Variants in KIF12 observed in about 807,000 individuals in gnomAD.
The protein encoded by KIF12 is kinesin family member 12.
Under a neutral mutation model 87.9 loss-of-function variants are expected in KIF12, and 80 were observed. That is an observed-to-expected ratio of 0.91 (90% CI 0.76 to 1.10). The LOEUF (loss-of-function observed/expected upper bound fraction) is 1.10. KIF12 is among the 50% of genes least tolerant of loss of function. The pLI, the probability that KIF12 is intolerant of heterozygous loss-of-function variation, is 0.00. For synonymous variants in KIF12, 353 were observed against 348.5 expected (o/e 1.01, Z -0.14); for missense variants, 819 against 865.3 (o/e 0.95, Z 0.67).
At position 114,096,586 on chromosome 9, in the gene KIF12, G is replaced by A. The variant is rs1847241362; in HGVS notation, c.647-108C>T. ...GGCGGAAGGGTCAGCCTCATGCAAA[G>A]GCAGGGAGGCAACAGAGTGGGTGTT... On this transcript the variant is annotated intron_variant, in intron 7 of 18. Coordinates refer to ENST00000640217, the MANE Select transcript of KIF12 (RefSeq NM_001388308.1). 4 of 903,178 alleles carry A rather than the reference G, an allele frequency of 4.4e-6. No homozygotes were observed. The East Asian group carries it at 7.9e-5, about 18-fold the overall frequency. The allele number at this position is 903,178 out of a possible 1,614,324, so 55.9% of individuals were successfully genotyped here.
Position 114,095,689 on chromosome 9 carries a change from C to T in KIF12, c.896-357G>A, listed in dbSNP as rs529516880. Among the ~76,000 whole-genome samples, 4 of 152,344 alleles carry T rather than the reference C, an allele frequency of 2.6e-5. No individual in the cohort carries two copies. The South Asian group carries it at 8.3e-4, about 32-fold the overall frequency. On this transcript the variant is annotated intron_variant, in intron 9 of 18. Transcript: ENST00000640217. The stretch of plus-strand genomic sequence containing the variant: ...CCTGAGGATCTCCAGGTCCAATACC[C>T]TGGGGTGGGGTTGGGGAGAAAGCTC...
rs1159849217 is a variant in KIF12 at position 114,095,220 on chromosome 9, G to A, written c.1008C>T (p.Thr336=). ...LADSLGGRGV[T]LMVACVSPSA... ...CCAGGCCCCGCTTAAGTACCATGAGGGTGACCCCGCGCCCTCCCAGTGAGT... is the reference window on the plus strand; with the variant it reads ...CCAGGCCCCGCTTAAGTACCATGAGAGTGACCCCGCGCCCTCCCAGTGAGT... The change falls in exon 10 of 19, where the codon ACC becomes ACT. Residue 336 remains threonine, a synonymous_variant. Transcript: ENST00000640217. 2 of 1,613,692 alleles carry A rather than the reference G, an allele frequency of 1.2e-6. No homozygotes were observed. Among genetic ancestry groups the A allele is most frequent in the Non-Finnish European group, 8.5e-7 (1 of 1,179,994 alleles).
At position 114,094,039 on chromosome 9, in the gene KIF12, C is replaced by T. The variant is rs1271878089; in HGVS notation, c.1314-67G>A. 5 of 1,476,114 alleles carry T rather than the reference C, an allele frequency of 3.4e-6. No homozygotes were observed. In the East Asian group the frequency reaches 1.1e-4, roughly 33 times the overall value. 91.4% of individuals were successfully genotyped at this position (1,476,114 alleles called of 1,614,324 possible). On this transcript the variant is annotated intron_variant, in intron 13 of 18. Transcript: ENST00000640217. Reference sequence around the variant, plus strand: ...TGGGGTGGGGCATCAGTCAGCTCCTCCTCATTGCAGCATAGCACCAGTTCA... The same window carrying T: ...TGGGGTGGGGCATCAGTCAGCTCCTTCTCATTGCAGCATAGCACCAGTTCA...
At position 114,094,238 on chromosome 9, in the gene KIF12, GC is replaced by G; in HGVS notation, c.1255del (p.Ala419ProfsTer14). The G allele has an allele frequency of 6.2e-7, 1 of 1,613,990 alleles. No individual in the cohort carries two copies. The highest frequency in any genetic ancestry group is 8.5e-7 in the Non-Finnish European group (1 of 1,179,998). The part of the protein sequence containing the change: ...SGLSGARVAW[A>X]QRNLYGMLQE... ...TAGCATCCCGTACAGGTTCCGCTGGGCCCAGGCCACCCGGGCTCCACTGAGC... is the reference window on the plus strand; with the variant it reads ...TAGCATCCCGTACAGGTTCCGCTGGGCCAGGCCACCCGGGCTCCACTGAGC... On this transcript the variant is annotated frameshift_variant, in exon 13 of 19. Coordinates refer to ENST00000640217, the MANE Select transcript of KIF12 (RefSeq NM_001388308.1). LOFTEE classifies it high-confidence loss of function.
rs890596402 is a variant in KIF12, at chr9:114,093,333, C to T, written c.1492G>A (p.Ala498Thr). 5.1e-6 allele frequency: 8 copies of T among 1,557,066 alleles called. No individual in the cohort carries two copies. The African/African-American group carries it at 8.2e-5, about 16-fold the overall frequency. The part of the protein sequence containing the change: ...CLMAPAPPCH[A>T]LPPLYSCPCC... The stretch of plus-strand genomic sequence containing the variant: ...GGGCAGGAGTAGAGGGGTGGCAGTG[C>T]CTGCAAAAAGGTGCGTCAGAGGCTC... Residue 498 changes from alanine to threonine, a missense_variant and splice_region_variant, in exon 16 of 19, where the codon GCA becomes ACA. Ala to Thr is a moderately conservative substitution (Grantham distance 58, BLOSUM62 0). Coordinates refer to ENST00000640217, the MANE Select transcript of KIF12 (RefSeq NM_001388308.1).
At position 114,096,107 on chromosome 9, in the gene KIF12, G is replaced by A; in HGVS notation, c.839C>T (p.Ser280Phe). The change falls in exon 9 of 19, where the codon TCC becomes TTC. Residue 280 changes from serine to phenylalanine, a missense_variant. Transcript: ENST00000640217. Reference sequence around the variant, plus strand: ...AGCCTCAAGCATCAGCTCCCCACGGGATCCCGTGGCTGCTACCTTCTCACT... The same window carrying A: ...AGCCTCAAGCATCAGCTCCCCACGGAATCCCGTGGCTGCTACCTTCTCACT... ...AGSEKVAATG[S>F]RGELMLEANS... 1 of 1,613,820 alleles carries A rather than the reference G, an allele frequency of 6.2e-7. No individual in the cohort carries two copies. The highest frequency in any genetic ancestry group is 1.3e-5 in the African/African-American group (1 of 75,026).
At position 114,091,900 on chromosome 9, in the gene KIF12, C is replaced by G. The variant is rs1847013023; in HGVS notation, c.1917G>C (p.Glu639Asp). The G allele has an allele frequency of 6.2e-7, 1 of 1,611,898 alleles. No individual in the cohort carries two copies. Among genetic ancestry groups the G allele is most frequent in the African/African-American group, 1.3e-5 (1 of 75,034 alleles). ...RRGRSQPPCS[E>D]GARSPGQVLP... ...GGACTTGGCCTGGGCTCCGTGCGCC[C>G]TCACTGCAGGGTGGCTGGCTGCGGC... The change falls in exon 19 of 19, where the codon GAG (glutamate) becomes GAC (aspartate). Residue 639 changes from glutamate to aspartate, a missense_variant. Transcript: ENST00000640217.
chr9:114,092,817 T>A, intron 16 of KIF12, 175 bp from the exon 17 acceptor site: 1 of 1,447,250 alleles, frequency 6.9e-7, no homozygotes, highest in East Asian at 2.5e-5. Flanking sequence ...AGATGGTTCT[T>A]CTACCGTCCT....
In KIF12 at chr9:114,098,100, C is replaced by T. The variant is rs1297846649; in HGVS notation, c.375+15G>A. On this transcript the variant is annotated intron_variant, in intron 5 of 18. Transcript: ENST00000640217. Reference sequence around the variant, plus strand: ...CCAGCCCCGCCCCGCGGGGGCGCCGCCGGCGCTCGCTCACCTGGGGAGGGG... The same window carrying T: ...CCAGCCCCGCCCCGCGGGGGCGCCGTCGGCGCTCGCTCACCTGGGGAGGGG... 4 of 1,543,738 alleles carry T rather than the reference C, an allele frequency of 2.6e-6. No individual in the cohort carries two copies. The highest frequency in any genetic ancestry group is 2.5e-5 in the East Asian group (1 of 40,780).
chr9:114,097,746 G>A lies in KIF12; in HGVS notation c.376-5C>T, dbSNP rs771139283. On this transcript the variant is annotated splice_polypyrimidine_tract_variant and splice_region_variant and intron_variant, in intron 5 of 18. Coordinates refer to ENST00000640217, the MANE Select transcript of KIF12 (RefSeq NM_001388308.1). The stretch of plus-strand genomic sequence containing the variant: ...GGGTACAGGCACCCCCTCCCCCTAG[G>A]GGCAAAACCAGCTGAGCCATCGTCA... The A allele has an allele frequency of 1.2e-6, 2 of 1,612,326 alleles. No homozygotes were observed. The highest frequency in any genetic ancestry group is 1.7e-5 in the Admixed American group (1 of 59,642).
chr9:114,097,025 C>A (rs1847258939), intron 7 of KIF12, among the ~76,000 whole-genome samples: 2 of 152,092 alleles, frequency 1.3e-5, no homozygotes, highest in African/African-American at 4.8e-5. Context: ...GCAGAGACCA[C>A]CAGGGAGCAA....
In KIF12 at chr9:114,095,276, G is replaced by A. The variant is rs147234281; in HGVS notation, c.952C>T (p.Arg318Trp). ...PQRKQSHIPF[R>W]DSKLTKLLAD... ...AGCAACTTGGTGAGCTTGCTGTCCC[G>A]GAAAGGGATGTGGCTCTGCTTCCGC... The change falls in exon 10 of 19, where the codon CGG becomes TGG. Residue 318 changes from arginine to tryptophan, a missense_variant. Physicochemically the swap from Arg to Trp is moderately radical, Grantham distance 101. Transcript: ENST00000640217. The A allele has an allele frequency of 1.9e-5, 31 of 1,613,836 alleles. No homozygotes were observed. The highest frequency in any genetic ancestry group is 5.3e-5 in the African/African-American group (4 of 75,046).
rs199662205 is a variant in KIF12 at position 114,094,163 on chromosome 9, C to T, written c.1313+18G>A. ...TGGGTGGGGAGCAGCATCCCTCTGG[C>T]TGTGGGCTGTGCCCTACCTGAGCCT... On this transcript the variant is annotated intron_variant, in intron 13 of 18. Transcript: ENST00000640217. 2.6e-5 allele frequency: 41 copies of T among 1,607,348 alleles called. 1 individual carries two copies. In the African/African-American group the frequency reaches 5.3e-4, roughly 21 times the overall value.
rs748426864 is a variant in KIF12, at chr9:114,096,379, G to A, written c.738+8C>T. Reference sequence around the variant, plus strand: ...CGGGTAAGCACCTTCCCAGGCTGGAGCACTCACAGTTTGACGGCTGATGTA... The same window carrying A: ...CGGGTAAGCACCTTCCCAGGCTGGAACACTCACAGTTTGACGGCTGATGTA... On this transcript the variant is annotated splice_region_variant and intron_variant, in intron 8 of 18. Transcript: ENST00000640217. 4 of 1,611,416 alleles carry A rather than the reference G, an allele frequency of 2.5e-6. No homozygotes were observed. In the South Asian group the frequency reaches 4.4e-5, roughly 18 times the overall value.
At chr9:114,094,477 GC>G in intron 11 of KIF12, 22 bp from the exon 12 acceptor site, 1 of 1,477,330 alleles carries the variant, frequency 6.8e-7, no homozygotes, top group Non-Finnish European at 9.4e-7. Flanking sequence ...GAGGCCCAGA[GC>G]CACCTTTATG....
intron 16 of KIF12, chr9:114,092,981 A>C: frequency 1.5e-6 from 2 of 1,356,518 alleles, no homozygotes; most frequent in African/African-American, 1.5e-5. Context: ...ATAAGTGAGT[A>C]GATATGTGAG....
intron 5 of KIF12, 26 bp from the exon 6 acceptor site, chr9:114,097,767 C>T: frequency 1.2e-6 from 2 of 1,604,712 alleles, no homozygotes; most frequent in East Asian, 2.3e-5. Context: ...GCTGAGCCAT[C>T]GTCATCTCCA....
chr9:114,098,895 G>C (rs1302156890), intron 3 of KIF12, 40 bp downstream of exon 3: 3 of 1,535,718 alleles, frequency 2.0e-6, no homozygotes, highest in Non-Finnish European at 1.8e-6. Context: ...TGGCGTCCCC[G>C]GGATTTTTTA....
intron 8 of KIF12, 59 bp from the exon 9 acceptor site, chr9:114,096,266 GTT>G: frequency 1.2e-6 from 2 of 1,608,762 alleles, no homozygotes; most frequent in South Asian, 2.2e-5. Flanking sequence ...AAGCCACAAG[GTT>G]ATGGGACCAA....
Sources: allele counts gnomAD v4.1 joint callset (sites outside exome capture counted in the v4.1 genomes callset), GRCh38; gene constraint gnomAD v4.1.1; transcripts MANE v1.5; gene names NCBI Gene and HGNC (gene_info 2026-07-23, HGNC 2026-07-21).